The following PCDHGA8 variants were observed in gnomAD, a reference collection of about 807,000 sequenced individuals.
PCDHGA8 encodes the protein protocadherin gamma-A8.
Under a neutral mutation model 59.2 loss-of-function variants are expected in PCDHGA8, and 45 were observed. The observed-to-expected ratio is 0.76, with a 90% CI of 0.60 to 0.98. PCDHGA8 has a LOEUF of 0.98. PCDHGA8 is among the 50% of genes least tolerant of loss of function. PCDHGA8 has a pLI of 0.00. For missense variants in PCDHGA8, 1,257 were observed against 1,196.2 expected (o/e 1.05, Z -0.75); for synonymous variants, 531 against 519.0 (o/e 1.02, Z -0.32).
intron 1 of PCDHGA8, chr5:141,408,444 G>A (rs2095109468): frequency 6.2e-6 from 10 of 1,613,960 alleles, no homozygotes; most frequent in Non-Finnish European, 7.6e-6. Context: ...GACGCGGAGA[G>A]CGGGGACTTA....
rs57426385 is a variant in PCDHGA8, at chr5:141,415,740, G to GTTTTTTTTTTTT, written c.2424+20524_2424+20535dup. 137 of 625,016 alleles carry GTTTTTTTTTTTT rather than the reference G, an allele frequency of 2.2e-4. 2 individuals carry two copies. The highest frequency in any genetic ancestry group is 3.5e-4 in the Admixed American group (5 of 14,120). The allele number at this position is 625,016 out of a possible 1,614,324, so 38.7% of individuals were successfully genotyped here. On this transcript the variant is annotated intron_variant, in intron 1 of 3. Coordinates refer to ENST00000398604, the MANE Select transcript of PCDHGA8 (RefSeq NM_032088.2). ...TGAGTAGAATTTGATGTTTATTAAG[G>GTTTTTTTTTTTT]TTTTTTTTTTTTTTTTTTTTTTTTT... is the stretch of plus-strand genomic sequence containing the variant.
At chr5:141,497,479 G>A (rs1028715475) in intron 2 of PCDHGA8, among the ~76,000 whole-genome samples, 5 of 151,886 alleles carry the variant, frequency 3.3e-5, no homozygotes, top group Non-Finnish European at 7.4e-5. Flanking sequence ...GAGAAGGTGC[G>A]GAACCTCTCT....
chr5:141,473,362 C>G (rs2099320242), intron 1 of PCDHGA8, among the ~76,000 whole-genome samples: 1 of 152,166 alleles, frequency 6.6e-6, no homozygotes, highest in South Asian at 2.1e-4. Flanking sequence ...AAGTGGCCAC[C>G]AAAATAGCAT....
chr5:141,423,264 C>T (rs1452323474), intron 1 of PCDHGA8: 6 of 1,613,868 alleles, frequency 3.7e-6, no homozygotes, highest in Non-Finnish European at 5.1e-6. Context: ...TCGGCAGCCT[C>T]GAGTCTCTGG....
chr5:141,492,503 A>G (rs1341352458), intron 1 of PCDHGA8, among the ~76,000 whole-genome samples: 1 of 151,188 alleles, frequency 6.6e-6, no homozygotes, highest in Non-Finnish European at 1.5e-5. Context: ...AGGACTCCGG[A>G]GCCTCCTCTC....
chr5:141,456,554 G>A (rs1003323522), intron 1 of PCDHGA8, among the ~76,000 whole-genome samples: 2 of 152,202 alleles, frequency 1.3e-5, no homozygotes, highest in Non-Finnish European at 2.9e-5. Flanking sequence ...GCCACTCGGG[G>A]CTGAAGCCCA....
At chr5:141,418,566 A>G (rs2096269931) in intron 1 of PCDHGA8, 2 of 1,614,054 alleles carry the variant, frequency 1.2e-6, no homozygotes, top group South Asian at 1.1e-5. Context: ...ATAGATGCCA[A>G]TGACAACCCC....
intron 1 of PCDHGA8, chr5:141,484,853 G>T (rs747582810): frequency 2.5e-4 from 64 of 251,466 alleles, no homozygotes; most frequent in Non-Finnish European, 4.3e-4. Flanking sequence ...GGGTTTTTTG[G>T]GGGGTGGGGG....
chr5:141,455,587 T>C (rs1383947901), intron 1 of PCDHGA8, among the ~76,000 whole-genome samples: 1 of 152,162 alleles, frequency 6.6e-6, no homozygotes, highest in African/African-American at 2.4e-5. Flanking sequence ...CCTTTTAATA[T>C]GCAAACGTAG....
In PCDHGA8 at chr5:141,423,089, G is replaced by C. The variant is rs201821221; in HGVS notation, c.2424+27852G>C. The stretch of plus-strand genomic sequence containing the variant: ...AGCGAGCCGGGACTCTTCGCGGTGG[G>C]GGAGCACACGGGCGAGGTGCGTACA... On this transcript the variant is annotated intron_variant, in intron 1 of 3. Transcript: ENST00000398604. 4.0e-5 allele frequency: 65 copies of C among 1,614,016 alleles called. No individual in the cohort carries two copies. In the African/African-American group the frequency reaches 7.2e-4, roughly 18 times the overall value.
chr5:141,421,593 G>A lies in PCDHGA8; in HGVS notation c.2424+26356G>A, dbSNP rs780085355. ...CCTTGAAGATTTACGGAGTGGAGGTGGAAATAATAGATATTAATGATAACG... is the reference window on the plus strand; with the variant it reads ...CCTTGAAGATTTACGGAGTGGAGGTAGAAATAATAGATATTAATGATAACG... On this transcript the variant is annotated intron_variant, in intron 1 of 3. Coordinates refer to ENST00000398604, the MANE Select transcript of PCDHGA8 (RefSeq NM_032088.2). 6 of 1,613,840 alleles carry A rather than the reference G, an allele frequency of 3.7e-6. No individual in the cohort carries two copies. In the East Asian group the frequency reaches 1.1e-4, roughly 30 times the overall value.
At chr5:141,395,472 A>T in intron 1 of PCDHGA8, 1 of 548,076 alleles carries the variant, frequency 1.8e-6, no homozygotes, top group South Asian at 2.6e-5. Flanking sequence ...GCCTTCCAGT[A>T]TTTTATTCCT....
chr5:141,400,233 C>G (rs373858401), intron 1 of PCDHGA8: 21 of 1,613,872 alleles, frequency 1.3e-5, no homozygotes, highest in Non-Finnish European at 1.8e-5. Context: ...TCCTCCTGGC[C>G]GTGATTCTGG....
intron 3 of PCDHGA8, among the ~76,000 whole-genome samples, chr5:141,510,203 G>A (rs1164886289): frequency 6.6e-6 from 1 of 151,680 alleles, no homozygotes; most frequent in Non-Finnish European, 1.5e-5. Flanking sequence ...AGCCCAGGAG[G>A]CAGAGGTTGC....
intron 1 of PCDHGA8, among the ~76,000 whole-genome samples, chr5:141,492,559 C>G (rs533830391): frequency 2.0e-5 from 3 of 152,174 alleles, no homozygotes; most frequent in Non-Finnish European, 4.4e-5. Context: ...GCCTGGGGGG[C>G]GGCCTGAGCG....
intron 1 of PCDHGA8, chr5:141,427,241 T>C (rs1381559575): frequency 4.4e-6 from 2 of 456,696 alleles, no homozygotes; most frequent in Admixed American, 2.3e-5. Flanking sequence ...GAGTAGAAGC[T>C]AAGGATGGTG....
chr5:141,433,001 G>T, intron 1 of PCDHGA8: 1 of 1,614,156 alleles, frequency 6.2e-7, no homozygotes, highest in African/African-American at 1.3e-5. Flanking sequence ...CGGGGTGCAG[G>T]CTTTCCTGCA....
intron 1 of PCDHGA8, chr5:141,428,239 G>T (rs1183885220): frequency 3.0e-6 from 3 of 997,526 alleles, no homozygotes; most frequent in Non-Finnish European, 4.6e-6. Flanking sequence ...CCTGCAGGAG[G>T]CACTGCCAGA....
intron 1 of PCDHGA8, among the ~76,000 whole-genome samples, chr5:141,397,322 AATT>A (rs1264296504): frequency 6.6e-6 from 1 of 152,188 alleles, no homozygotes; most frequent in Non-Finnish European, 1.5e-5. Flanking sequence ...AGTAAAGAAA[AATT>A]ATTTTTATAA....
Sources: gnomAD v4.1 joint callset for allele counts (sites outside exome capture counted in the v4.1 genomes callset) on GRCh38, gnomAD v4.1.1 for gene constraint, MANE v1.5 for transcripts, NCBI Gene and HGNC (gene_info 2026-07-23, HGNC 2026-07-21) for gene names.